The following CACNA2D3 variants were observed in gnomAD, a reference collection of about 807,000 sequenced individuals.
CACNA2D3 encodes calcium voltage-gated channel auxiliary subunit alpha2delta 3, also known as voltage-dependent calcium channel subunit alpha-2/delta-3.
CACNA2D3 carries 60 observed loss-of-function variants against 160.6 expected under a neutral mutation model. The ratio of observed to expected loss-of-function variants is 0.37; its 90% CI spans 0.30 to 0.46. CACNA2D3 has a LOEUF of 0.46. Ranked by LOEUF, CACNA2D3 falls within the 20% of genes least tolerant of loss-of-function variation. The pLI, the probability that CACNA2D3 is intolerant of heterozygous loss-of-function variation, is 1.00. For synonymous variants in CACNA2D3, 558 were observed against 492.9 expected (o/e 1.13, Z -1.75); for missense variants, 1,205 against 1,365.0 (o/e 0.88, Z 1.85).
At chr3:54,476,337 T>G (rs1426333099) in intron 4 of CACNA2D3, among the ~76,000 whole-genome samples, 1 of 151,880 alleles carries the variant, frequency 6.6e-6, no homozygotes, top group East Asian at 1.9e-4. Context: ...TTTTCATATC[T>G]TGGCCACTGT....
At chr3:54,789,806 C>T in intron 13 of CACNA2D3, 2 of 508,030 alleles carry the variant, frequency 3.9e-6, no homozygotes, top group South Asian at 1.4e-5. Context: ...CAGTTTGGCT[C>T]ACATCTAAAG....
intron 2 of CACNA2D3, among the ~76,000 whole-genome samples, chr3:54,249,694 CA>C (rs1702148088): frequency 1.3e-5 from 2 of 151,418 alleles, no homozygotes; most frequent in African/African-American, 4.9e-5. Context: ...CACACACACA[CA>C]CACCCCTCAT....
intron 10 of CACNA2D3, among the ~76,000 whole-genome samples, chr3:54,629,206 G>C (rs1446223627): frequency 6.6e-6 from 1 of 151,982 alleles, no homozygotes; most frequent in Admixed American, 6.6e-5. Context: ...CCTTGCTGCT[G>C]TTGGTCTGCA....
chr3:54,607,591 A>G (rs184053771), intron 9 of CACNA2D3, among the ~76,000 whole-genome samples: 23 of 152,350 alleles, frequency 1.5e-4, no homozygotes, highest in Non-Finnish European at 2.6e-4. Flanking sequence ...ACACAGAGCA[A>G]TTGGATCTCT....
chr3:54,340,196 C>G (rs1183871383), intron 3 of CACNA2D3, among the ~76,000 whole-genome samples: 1 of 152,170 alleles, frequency 6.6e-6, no homozygotes, highest in Non-Finnish European at 1.5e-5. Context: ...GTGTTCCCTA[C>G]TCACAACATT....
intron 9 of CACNA2D3, among the ~76,000 whole-genome samples, 158 bp from the exon 10 acceptor site, chr3:54,627,629 G>A (rs1699151949): frequency 6.6e-6 from 1 of 152,206 alleles, no homozygotes; most frequent in African/African-American, 2.4e-5. Context: ...TTTACATTGA[G>A]TAAGTTCTTA....
chr3:54,980,864 T>G (rs1702491779), intron 29 of CACNA2D3, among the ~76,000 whole-genome samples: 1 of 152,264 alleles, frequency 6.6e-6, no homozygotes, highest in Admixed American at 6.5e-5. Flanking sequence ...GTATTTTTAT[T>G]TTATCAATAA....
intron 2 of CACNA2D3, among the ~76,000 whole-genome samples, chr3:54,234,059 A>G (rs1307394394): frequency 6.6e-6 from 1 of 152,226 alleles, no homozygotes; most frequent in Non-Finnish European, 1.5e-5. Context: ...ATAAACTATC[A>G]AAAGAGAAAA....
chr3:54,951,922 C>T (rs563392185), intron 27 of CACNA2D3, among the ~76,000 whole-genome samples: 1 of 152,152 alleles, frequency 6.6e-6, no homozygotes, highest in Non-Finnish European at 1.5e-5. Context: ...GATCTCGGCT[C>T]ACTGCAACCT....
chr3:54,751,098 G>C (rs574125823), intron 11 of CACNA2D3, among the ~76,000 whole-genome samples: 46 of 152,050 alleles, frequency 3.0e-4, no homozygotes, highest in African/African-American at 1.0e-3. Flanking sequence ...CCCCCCAAGA[G>C]AAGCCAGAAT....
chr3:54,810,917 G>A (rs2106699300), intron 13 of CACNA2D3, among the ~76,000 whole-genome samples: 1 of 152,154 alleles, frequency 6.6e-6, no homozygotes, highest in East Asian at 1.9e-4. Context: ...CCTTTATCAG[G>A]GCCTCAGATC....
At chr3:55,024,365 G>T (rs768247202) in intron 35 of CACNA2D3, among the ~76,000 whole-genome samples, 21 of 151,950 alleles carry the variant, frequency 1.4e-4, no homozygotes, top group African/African-American at 4.8e-4. Flanking sequence ...TGTAACATGT[G>T]CATAAGGCTA....
In CACNA2D3 at chr3:54,533,332, CTTTTTTTTTTT is replaced by C. The variant is rs60076440; in HGVS notation, c.545-29457_545-29447del. Among the ~76,000 whole-genome samples the C allele has an allele frequency of 4.1e-5, 4 of 97,308 alleles. No individual in the cohort carries two copies. In the East Asian group the frequency reaches 1.2e-3, roughly 29 times the overall value. The allele number at this position is 97,308 out of a possible 152,430, so 63.8% of individuals were successfully genotyped here. A position where few individuals can be genotyped will look rare whatever the true frequency, so the allele number is the denominator to read the frequency against. On this transcript the variant is annotated intron_variant, in intron 5 of 37. Transcript: ENST00000474759. Reference sequence around the variant, plus strand: ...GGGCTAACGTATTTTCTTTTCTTTCCTTTTTTTTTTTTTTTTTTTTTGAGACAGAGTCTCAT... The same window carrying C: ...GGGCTAACGTATTTTCTTTTCTTTCCTTTTTTTTTTGAGACAGAGTCTCAT...
chr3:54,354,125 C>T (rs746844554), intron 3 of CACNA2D3, among the ~76,000 whole-genome samples: 39 of 152,178 alleles, frequency 2.6e-4, no homozygotes, highest in Admixed American at 4.6e-4. Context: ...CCTTCCAGCC[C>T]CTCAGCACCT....
At chr3:54,918,509 C>A (rs781338601) in intron 27 of CACNA2D3, 2 of 1,613,866 alleles carry the variant, frequency 1.2e-6, no homozygotes. Flanking sequence ...TTCCCAGGAT[C>A]ATTGGTTTGA....
chr3:54,428,351 T>A (rs1699939184), intron 4 of CACNA2D3, among the ~76,000 whole-genome samples: 1 of 152,188 alleles, frequency 6.6e-6, no homozygotes, highest in Non-Finnish European at 1.5e-5. Context: ...TTAAAGTAAA[T>A]GAAGGTCACC....
chr3:54,281,195 T>G (rs951953303), intron 2 of CACNA2D3, among the ~76,000 whole-genome samples: 11 of 152,186 alleles, frequency 7.2e-5, no homozygotes, highest in African/African-American at 2.7e-4. Context: ...CTCATCTCCA[T>G]TAGGCATAAG....
chr3:54,997,520 C>T (rs2107125841), intron 31 of CACNA2D3, among the ~76,000 whole-genome samples: 1 of 151,974 alleles, frequency 6.6e-6, no homozygotes, highest in East Asian at 1.9e-4. Flanking sequence ...TGGGCAACCA[C>T]ATCCAGCACG....
Position 54,771,442 on chromosome 3 carries a change from A to ATC in CACNA2D3, c.1380+7093_1380+7094dup, listed in dbSNP as rs1702320046. ...AAGCGTTGGCTGCACTGCAGGTCTC[A>ATC]TCTGCAACTCAGGGGCCTCTTCTAA... On this transcript the variant is annotated intron_variant, in intron 13 of 37. Coordinates refer to ENST00000474759, the MANE Select transcript of CACNA2D3 (RefSeq NM_018398.3). Among the ~76,000 whole-genome samples, 3 of 152,190 alleles carry ATC rather than the reference A, an allele frequency of 2.0e-5. No individual in the cohort carries two copies. In the South Asian group the frequency reaches 6.2e-4, roughly 31 times the overall value.
Sources: gnomAD v4.1 joint callset for allele counts (sites outside exome capture counted in the v4.1 genomes callset) on GRCh38, gnomAD v4.1.1 for gene constraint, MANE v1.5 for transcripts, NCBI Gene and HGNC (gene_info 2026-07-23, HGNC 2026-07-21) for gene names.